SGPP1: variants seen among roughly 807,000 people sequenced by gnomAD.
SGPP1 encodes the protein sphingosine-1-phosphate phosphatase 1.
A neutral mutation model predicts 33.0 loss-of-function variants in SGPP1; 21 were observed. The ratio of observed to expected loss-of-function variants is 0.64; its 90% CI spans 0.45 to 0.92. SGPP1 has a LOEUF of 0.92. Ranked by LOEUF, SGPP1 falls within the 40% of genes least tolerant of loss-of-function variation. The pLI, the probability that SGPP1 is intolerant of heterozygous loss-of-function variation, is 0.00. For missense variants in SGPP1, 543 were observed against 589.4 expected, an observed-to-expected ratio of 0.92 and a Z score of 0.81; for synonymous variants, 239 against 241.2, an observed-to-expected ratio of 0.99 and a Z score of 0.08.
chr14:63,712,865 C>T (rs1047545444), intron 1 of SGPP1, among the ~76,000 whole-genome samples: 3 of 137,214 alleles, frequency 2.2e-5, no homozygotes, highest in Admixed American at 8.1e-5. Context: ...TGCAGTGAGC[C>T]GAGATCGTGC....
In SGPP1 at chr14:63,728,061, G is replaced by C; in HGVS notation, c.-117C>G. The C allele has an allele frequency of 3.6e-6, 4 of 1,113,578 alleles. No individual in the cohort carries two copies. Among genetic ancestry groups the C allele is most frequent in the Non-Finnish European group, 4.5e-6 (4 of 883,130 alleles). The allele number at this position is 1,113,578 out of a possible 1,614,324, so 69.0% of individuals were successfully genotyped here. Reference sequence around the variant, plus strand: ...CGCTCTACCCTCCGGAGTCTGCCGGGTGACGGCGCCACAGGCCGCGCGCCC... The same window carrying C: ...CGCTCTACCCTCCGGAGTCTGCCGGCTGACGGCGCCACAGGCCGCGCGCCC... On this transcript the variant is annotated 5_prime_UTR_variant, in exon 1 of 3. Transcript: ENST00000247225.
At chr14:63,714,606 A>T (rs1482033259) in intron 1 of SGPP1, among the ~76,000 whole-genome samples, 1 of 151,992 alleles carries the variant, frequency 6.6e-6, no homozygotes, top group African/African-American at 2.4e-5. Context: ...TTTTGTGTAG[A>T]GAAAGGGTCT....
intron 1 of SGPP1, among the ~76,000 whole-genome samples, chr14:63,711,837 C>T (rs1488483688): frequency 1.3e-5 from 2 of 152,020 alleles, no homozygotes; most frequent in Non-Finnish European, 2.9e-5. Flanking sequence ...CCAGACCAGC[C>T]TGGCCAACAT....
chr14:63,723,836 G>C (rs950130789), intron 1 of SGPP1, among the ~76,000 whole-genome samples: 2 of 152,026 alleles, frequency 1.3e-5, no homozygotes, highest in African/African-American at 4.8e-5. Context: ...ACTTACCCTG[G>C]GAAATGTAGA....
intron 1 of SGPP1, among the ~76,000 whole-genome samples, chr14:63,721,712 T>C (rs909120748): frequency 6.6e-6 from 1 of 152,200 alleles, no homozygotes; most frequent in African/African-American, 2.4e-5. Flanking sequence ...TCTTCTATTA[T>C]TTACAGTAAA....
intron 1 of SGPP1, among the ~76,000 whole-genome samples, chr14:63,724,178 C>T (rs1487697792): frequency 6.6e-6 from 1 of 152,044 alleles, no homozygotes; most frequent in Non-Finnish European, 1.5e-5. Flanking sequence ...CTACACCTGG[C>T]CATATACTGT....
chr14:63,727,232 A>G, intron 1 of SGPP1, 29 bp downstream of exon 1: 1 of 1,577,780 alleles, frequency 6.3e-7, no homozygotes, highest in South Asian at 1.2e-5. Flanking sequence ...GAACTCCCCC[A>G]GGCTGAACAG....
intron 1 of SGPP1, among the ~76,000 whole-genome samples, chr14:63,721,509 C>T (rs914267695): frequency 6.6e-6 from 1 of 151,950 alleles, no homozygotes; most frequent in Non-Finnish European, 1.5e-5. Context: ...ATTTCAAACA[C>T]AAGTATCGTG....
At chr14:63,713,429 G>A (rs908648523) in intron 1 of SGPP1, among the ~76,000 whole-genome samples, 23 of 152,142 alleles carry the variant, frequency 1.5e-4, no homozygotes, top group African/African-American at 5.1e-4. Flanking sequence ...GTCAGGGACT[G>A]GCAAAGCTTT....
intron 1 of SGPP1, among the ~76,000 whole-genome samples, chr14:63,726,029 A>G (rs573209226): frequency 6.6e-6 from 1 of 152,352 alleles, no homozygotes; most frequent in East Asian, 1.9e-4. Flanking sequence ...GTTAAACAGA[A>G]AAAAACTTCC....
chr14:63,690,554 T>C (rs1885073230), intron 2 of SGPP1, among the ~76,000 whole-genome samples: 1 of 152,230 alleles, frequency 6.6e-6, no homozygotes. Flanking sequence ...GACTATGTTT[T>C]GTTCAACCTC....
chr14:63,717,759 A>G (rs528659005), intron 1 of SGPP1, among the ~76,000 whole-genome samples: 25 of 152,382 alleles, frequency 1.6e-4, no homozygotes, highest in African/African-American at 6.0e-4. Flanking sequence ...TCAAAGCAGA[A>G]GAAATACAAA....
intron 1 of SGPP1, among the ~76,000 whole-genome samples, chr14:63,719,000 A>T (rs1204954853): frequency 1.2e-4 from 3 of 24,280 alleles, no homozygotes; most frequent in African/African-American, 1.8e-4. Context: ...ATATATATAT[A>T]TATATATATA....
chr14:63,698,689 A>C (rs1270528317), intron 1 of SGPP1, 31 bp from the exon 2 acceptor site: 1 of 1,254,128 alleles, frequency 8.0e-7, no homozygotes, highest in South Asian at 1.4e-5. Context: ...AATTAGTTAA[A>C]CAAATTTAAG....
At chr14:63,724,050 G>T (rs532567160) in intron 1 of SGPP1, among the ~76,000 whole-genome samples, 11 of 151,860 alleles carry the variant, frequency 7.2e-5, no homozygotes, top group South Asian at 2.1e-4. Flanking sequence ...GCTGATTTTT[G>T]ATTTTTTTTT....
At position 63,698,674 on chromosome 14, in the gene SGPP1, A is replaced by G. The variant is rs1885237874; in HGVS notation, c.685-16T>C. 7.2e-7 allele frequency: 1 copy of G among 1,385,098 alleles called. No individual in the cohort carries two copies. The allele number at this position is 1,385,098 out of a possible 1,614,324, so 85.8% of individuals were successfully genotyped here. A position where few individuals can be genotyped will look rare whatever the true frequency, so the allele number is the denominator to read the frequency against. ...TAAGAGGGTACTAAAGGGGAAAAAAAGTAAAATTAGTTAAACAAATTTAAG... is the reference window on the plus strand; with the variant it reads ...TAAGAGGGTACTAAAGGGGAAAAAAGGTAAAATTAGTTAAACAAATTTAAG... On this transcript the variant is annotated splice_polypyrimidine_tract_variant and intron_variant, in intron 1 of 2. Coordinates refer to ENST00000247225, the MANE Select transcript of SGPP1 (RefSeq NM_030791.4).
chr14:63,692,797 G>C (rs1885113959), intron 2 of SGPP1, among the ~76,000 whole-genome samples: 1 of 151,944 alleles, frequency 6.6e-6, no homozygotes, highest in African/African-American at 2.4e-5. Context: ...AAAACTCACT[G>C]ATACATACTA....
In SGPP1 at chr14:63,715,031, T is replaced by G. The variant is rs199814012; in HGVS notation, c.684+12230A>C. Among the ~76,000 whole-genome samples, 292 of 150,944 alleles carry G rather than the reference T, an allele frequency of 1.9e-3. 3 individuals are homozygous for G. The East Asian group carries it at 0.024, about 13-fold the overall frequency. On this transcript the variant is annotated intron_variant, in intron 1 of 2. Transcript: ENST00000247225. ...AGCCACTGCTCCCAGCCGACCTTTT[T>G]TTTTTTTTTTTTTGAGATGGAGTGT...
chr14:63,686,809 A>G (rs1884991016), intron 2 of SGPP1, among the ~76,000 whole-genome samples, 153 bp from the exon 3 acceptor site: 1 of 149,588 alleles, frequency 6.7e-6, no homozygotes, highest in African/African-American at 2.6e-5. Flanking sequence ...CTGACCATAT[A>G]AGAGGCACTA....
Sources: gnomAD v4.1 joint callset for allele counts (sites outside exome capture counted in the v4.1 genomes callset) on GRCh38, gnomAD v4.1.1 for gene constraint, MANE v1.5 for transcripts, NCBI Gene and HGNC (gene_info 2026-07-23, HGNC 2026-07-21) for gene names.